WSB1: variants seen among roughly 807,000 people sequenced by gnomAD.
WSB1 encodes WD repeat and SOCS box containing 1.
A neutral mutation model predicts 50.2 loss-of-function variants in WSB1; 23 were observed. The observed-to-expected ratio is 0.46, with a 90% CI of 0.33 to 0.65. The LOEUF is 0.65. Among genes scored for constraint, WSB1 ranks in the 30% least tolerant of loss-of-function variants. The probability of loss-of-function intolerance (pLI) is 0.02; values close to 1 mark genes in which losing one functional copy is unlikely to be tolerated. For synonymous variants in WSB1, 179 were observed against 172.0 expected, an observed-to-expected ratio of 1.04 and a Z score of -0.32; for missense variants, 492 against 522.3, an observed-to-expected ratio of 0.94 and a Z score of 0.56.
At chr17:27,295,023 A>G (rs1022158552) in intron 1 of WSB1, among the ~76,000 whole-genome samples, 34 of 152,204 alleles carry the variant, frequency 2.2e-4, no homozygotes, top group Admixed American at 1.8e-3. Context: ...GTGGAGTGAC[A>G]GAAGGAAAGC....
rs540029559 is a variant in WSB1, at chr17:27,303,690, C to T, written c.478+55C>T. 3.5e-5 allele frequency: 54 copies of T among 1,562,764 alleles called. No homozygotes were observed. In the African/African-American group the frequency reaches 6.9e-4, roughly 20 times the overall value. On this transcript the variant is annotated intron_variant, in intron 3 of 8. Coordinates refer to ENST00000262394, the MANE Select transcript of WSB1 (RefSeq NM_015626.10). Reference sequence around the variant, plus strand: ...TATTATTTTATGATGCAGGGCACTGCTTATAGGCACTGGAATTGGGATTTG... The same window carrying T: ...TATTATTTTATGATGCAGGGCACTGTTTATAGGCACTGGAATTGGGATTTG...
chr17:27,300,726 G>C (rs1357640918), intron 1 of WSB1, among the ~76,000 whole-genome samples: 2 of 145,542 alleles, frequency 1.4e-5, no homozygotes, highest in Non-Finnish European at 1.5e-5. Context: ...GTCTTGCTCT[G>C]TCACCCAGGC....
intron 5 of WSB1, chr17:27,307,888 A>G: frequency 6.9e-7 from 1 of 1,444,812 alleles, no homozygotes; most frequent in Non-Finnish European, 9.1e-7. Context: ...GTAACCTTGC[A>G]TTCGGCTGCA....
chr17:27,301,750 T>C, intron 1 of WSB1, 38 bp from the exon 2 acceptor site: 1 of 1,601,026 alleles, frequency 6.2e-7, no homozygotes, highest in South Asian at 1.1e-5. Context: ...GTATTGTTGG[T>C]TATATATGAT....
intron 7 of WSB1, among the ~76,000 whole-genome samples, chr17:27,310,691 C>T (rs1473491223): frequency 6.6e-6 from 1 of 152,054 alleles, no homozygotes; most frequent in Non-Finnish European, 1.5e-5. Flanking sequence ...CTTCTCTTCC[C>T]AGAATGTTAG....
Position 27,309,034 on chromosome 17 carries a change from A to G in WSB1, c.712-66A>G, listed in dbSNP as rs560517627. On this transcript the variant is annotated intron_variant, in intron 5 of 8. Coordinates refer to ENST00000262394, the MANE Select transcript of WSB1 (RefSeq NM_015626.10). ...CTTAATTAAATTTAGCAGTTTTAGT[A>G]TAAGATGTGCCATTTTGTCCTCTGT... 1.8e-4 allele frequency: 267 copies of G among 1,476,810 alleles called. No individual in the cohort carries two copies. In the African/African-American group the frequency reaches 2.0e-3, roughly 11 times the overall value. The allele number at this position is 1,476,810 out of a possible 1,614,324, so 91.5% of individuals were successfully genotyped here. A position where few individuals can be genotyped will look rare whatever the true frequency, so the allele number is the denominator to read the frequency against.
chr17:27,298,565 T>G (rs565910927), intron 1 of WSB1, among the ~76,000 whole-genome samples: 2 of 151,692 alleles, frequency 1.3e-5, no homozygotes, highest in Admixed American at 1.3e-4. Context: ...TAAAAAATTG[T>G]TTTTTTGCCG....
chr17:27,297,686 G>C (rs1173641298), intron 1 of WSB1, among the ~76,000 whole-genome samples: 2 of 152,084 alleles, frequency 1.3e-5, no homozygotes. Flanking sequence ...AAACTCATGG[G>C]CTCAAGTGAT....
In WSB1 at chr17:27,312,357, G is replaced by A. The variant is rs147568480; in HGVS notation, c.1254G>A (p.Ser418=). 2.9e-5 allele frequency: 46 copies of A among 1,613,820 alleles called. No individual in the cohort carries two copies. The Middle Eastern group carries it at 4.9e-4, about 17-fold the overall frequency. ...CTTCCAAGCTTTTGGAGTTTCTCTCGTATCGTATTTAGAAGATTCTGCCTT... is the reference window on the plus strand; with the variant it reads ...CTTCCAAGCTTTTGGAGTTTCTCTCATATCGTATTTAGAAGATTCTGCCTT... ...PIPSKLLEFL[S]YRI is the part of the protein sequence containing the mutation. Residue 418 remains serine, a synonymous_variant, in exon 9 of 9, where the codon TCG becomes TCA. Coordinates refer to ENST00000262394, the MANE Select transcript of WSB1 (RefSeq NM_015626.10).
chr17:27,309,372 C>A, intron 6 of WSB1, 100 bp downstream of exon 6: 1 of 1,023,788 alleles, frequency 9.8e-7, no homozygotes, highest in Non-Finnish European at 1.4e-6. Context: ...AAATTACAGT[C>A]TATTCTAATT....
rs147579016 is a variant in WSB1, at chr17:27,301,036, T to C, written c.41-752T>C. 8.3e-3 allele frequency among the ~76,000 whole-genome samples: 1,260 copies of C among 152,196 alleles called. 24 individuals are homozygous for C. Among genetic ancestry groups the C allele is most frequent in the African/African-American group, 0.029 (1,213 of 41,504 alleles). On this transcript the variant is annotated intron_variant, in intron 1 of 8. Transcript: ENST00000262394. Reference sequence around the variant, plus strand: ...ACAGGCGCCCACCACCACGCCCAGCTAATTTTTGTATTTTTAGTAGAGACA... The same window carrying C: ...ACAGGCGCCCACCACCACGCCCAGCCAATTTTTGTATTTTTAGTAGAGACA...
At chr17:27,304,138 A>G (rs994391327) in intron 3 of WSB1, among the ~76,000 whole-genome samples, 1 of 152,222 alleles carries the variant, frequency 6.6e-6, no homozygotes, top group Non-Finnish European at 1.5e-5. Context: ...TATGTACTCA[A>G]AAACATAAAG....
chr17:27,294,684 T>C (rs2016874298), intron 1 of WSB1, among the ~76,000 whole-genome samples: 1 of 152,240 alleles, frequency 6.6e-6, no homozygotes, highest in South Asian at 2.1e-4. Flanking sequence ...AGGACCCCGG[T>C]TTCTTCGTCG....
Position 27,306,202 on chromosome 17 carries a change from C to CTTTT in WSB1, c.611-555_611-552dup, listed in dbSNP as rs907711059. 1.9e-3 allele frequency among the ~76,000 whole-genome samples: 117 copies of CTTTT among 63,148 alleles called. 19 individuals are homozygous for CTTTT. The highest frequency in any genetic ancestry group is 3.1e-3 in the African/African-American group (51 of 16,268). 41.4% of individuals were successfully genotyped at this position (63,148 alleles called of 152,430 possible). On this transcript the variant is annotated intron_variant, in intron 4 of 8. Transcript: ENST00000262394. ...GGGGATTGGACTAAAAGAATTCTGT[C>CTTTT]TTTTTTTTTTTTTTTTTTTTTTTTT...
At chr17:27,297,847 C>T (rs1037462454) in intron 1 of WSB1, among the ~76,000 whole-genome samples, 29 of 152,016 alleles carry the variant, frequency 1.9e-4, no homozygotes, top group African/African-American at 2.9e-4. Flanking sequence ...GTGGCTCATG[C>T]GTGTAATCCC....
Position 27,312,199 on chromosome 17 carries a change from T to G in WSB1, c.1107-11T>G. 1.3e-6 allele frequency: 2 copies of G among 1,595,698 alleles called. No individual in the cohort carries two copies. The stretch of plus-strand genomic sequence containing the variant: ...CTTGGGTGACTAAGCATGTGCTTTG[T>G]TTCTGTTTAGGACACATGACGGAAG... On this transcript the variant is annotated splice_polypyrimidine_tract_variant and intron_variant, in intron 8 of 8. Transcript: ENST00000262394.
In WSB1 at chr17:27,302,062, A is replaced by G. The variant is rs528209076; in HGVS notation, c.209+106A>G. On this transcript the variant is annotated intron_variant, in intron 2 of 8. Coordinates refer to ENST00000262394, the MANE Select transcript of WSB1 (RefSeq NM_015626.10). ...TTGATATTTAAGTTTTACTTTATAG[A>G]TGATGTCGTGAGTTTTAATCATGGG... The G allele has an allele frequency of 1.1e-5, 15 of 1,307,356 alleles. 1 individual carries two copies. The East Asian group carries it at 3.6e-4, about 32-fold the overall frequency. The allele number at this position is 1,307,356 out of a possible 1,614,324, so 81.0% of individuals were successfully genotyped here.
chr17:27,300,460 T>G (rs2017179455), intron 1 of WSB1, among the ~76,000 whole-genome samples: 1 of 152,190 alleles, frequency 6.6e-6, no homozygotes, highest in African/African-American at 2.4e-5. Context: ...ATGAGCTTGT[T>G]GATCATGCTT....
chr17:27,309,647 A>G (rs1191680567), intron 6 of WSB1, among the ~76,000 whole-genome samples: 6 of 151,916 alleles, frequency 3.9e-5, no homozygotes, highest in African/African-American at 1.5e-4. Flanking sequence ...CAGTGGCGCA[A>G]TCTCAGCTCA....
Sources: allele counts gnomAD v4.1 joint callset (sites outside exome capture counted in the v4.1 genomes callset), GRCh38; gene constraint gnomAD v4.1.1; transcripts MANE v1.5; gene names NCBI Gene and HGNC (gene_info 2026-07-23, HGNC 2026-07-21).